The following SDK1 variants were observed in gnomAD, a reference collection of about 807,000 sequenced individuals.
The protein encoded by SDK1 is sidekick cell adhesion molecule 1.
SDK1 carries 157 observed loss-of-function variants against 245.5 expected under a neutral mutation model. The ratio of observed to expected loss-of-function variants is 0.64; its 90% CI spans 0.56 to 0.73. SDK1 has a LOEUF of 0.73. Among genes scored for constraint, SDK1 ranks in the 30% least tolerant of loss-of-function variants. The pLI is 0.00. For missense variants in SDK1, 3,583 were observed against 3,002.3 expected (o/e 1.19, Z -4.52); for synonymous variants, 1,647 against 1,278.5 (o/e 1.29, Z -6.15).
chr7:3,589,932 CAG>C (rs1780807847), intron 1 of SDK1, among the ~76,000 whole-genome samples: 2 of 152,150 alleles, frequency 1.3e-5, no homozygotes, highest in Admixed American at 6.5e-5. Flanking sequence ...TGAGGTTATG[CAG>C]AGTCTGTGCT....
intron 5 of SDK1, among the ~76,000 whole-genome samples, chr7:3,885,823 A>G (rs1257016935): frequency 1.3e-5 from 2 of 152,192 alleles, no homozygotes; most frequent in Non-Finnish European, 2.9e-5. Flanking sequence ...AAAATAAGTA[A>G]CAATGGTGAT....
chr7:4,133,791 G>T (rs1278564263), intron 28 of SDK1, among the ~76,000 whole-genome samples: 1 of 152,194 alleles, frequency 6.6e-6, no homozygotes, highest in African/African-American at 2.4e-5. Flanking sequence ...CATTGCCCCA[G>T]CCCCAGGTTA....
intron 4 of SDK1, among the ~76,000 whole-genome samples, chr7:3,816,318 G>A: frequency 6.6e-6 from 1 of 151,196 alleles, no homozygotes; most frequent in Admixed American, 6.6e-5. Context: ...CTGGTTTTTT[G>A]AAAGGATCAA....
At chr7:3,576,710 G>A (rs1780303012) in intron 1 of SDK1, among the ~76,000 whole-genome samples, 1 of 152,030 alleles carries the variant, frequency 6.6e-6, no homozygotes, top group African/African-American at 2.4e-5. Flanking sequence ...CATTTTGCCT[G>A]TGTTGAGCCA....
intron 4 of SDK1, among the ~76,000 whole-genome samples, chr7:3,820,336 G>A (rs755041956): frequency 1.8e-4 from 28 of 152,252 alleles, no homozygotes; most frequent in Middle Eastern, 6.8e-3. Context: ...TTTCAGTAGA[G>A]ATGAGGTTTC....
At chr7:3,528,019 A>G (rs1331367604) in intron 1 of SDK1, among the ~76,000 whole-genome samples, 144 of 88,568 alleles carry the variant, frequency 1.6e-3, no homozygotes, top group Middle Eastern at 0.012. Context: ...AGTGGTGGGA[A>G]GTAATGTTGG....
intron 1 of SDK1, among the ~76,000 whole-genome samples, chr7:3,526,551 G>T (rs1783141214): frequency 6.6e-6 from 1 of 152,094 alleles, no homozygotes; most frequent in South Asian, 2.1e-4. Context: ...ATTGCAGATA[G>T]TTTGGTGGAA....
rs114830427 is a variant in SDK1, at chr7:3,692,174, A to C, written c.713+50069A>C. On this transcript the variant is annotated intron_variant, in intron 4 of 44. Coordinates refer to ENST00000404826, the MANE Select transcript of SDK1 (RefSeq NM_152744.4). ...ATTATGATTTCTGTTCAGAGACCCAACATAATTTCAAGTTTCCATTTTTTC... is the reference window on the plus strand; with the variant it reads ...ATTATGATTTCTGTTCAGAGACCCACCATAATTTCAAGTTTCCATTTTTTC... 7.5e-3 allele frequency among the ~76,000 whole-genome samples: 1,142 copies of C among 152,288 alleles called. 16 individuals carry two copies. Among genetic ancestry groups the C allele is most frequent in the African/African-American group, 0.026 (1,080 of 41,572 alleles).
chr7:3,445,787 T>A (rs1354228796), intron 1 of SDK1, among the ~76,000 whole-genome samples: 1 of 152,144 alleles, frequency 6.6e-6, no homozygotes, highest in African/African-American at 2.4e-5. Flanking sequence ...CCATCAAACA[T>A]AATTTAGAAA....
chr7:3,775,541 T>G (rs1049191774), intron 4 of SDK1, among the ~76,000 whole-genome samples: 22 of 152,038 alleles, frequency 1.4e-4, no homozygotes, highest in Admixed American at 3.3e-4. Flanking sequence ...CAGCCTTTCA[T>G]AACATTTTTA....
At chr7:3,768,646 T>C (rs1435659171) in intron 4 of SDK1, among the ~76,000 whole-genome samples, 2 of 152,200 alleles carry the variant, frequency 1.3e-5, no homozygotes, top group South Asian at 2.1e-4. Context: ...GTCTCACATA[T>C]TGTCAGAAGT....
At position 3,536,810 on chromosome 7, in the gene SDK1, T is replaced by C. The variant is rs531422994; in HGVS notation, c.299-82270T>C. 2.0e-4 allele frequency among the ~76,000 whole-genome samples: 30 copies of C among 152,362 alleles called. No individual in the cohort carries two copies. The South Asian group carries it at 5.6e-3, about 28-fold the overall frequency. Reference sequence around the variant, plus strand: ...GAATTTGAAGTGATTTTTCTGTGTATTTAATATTTTTAACAATTGATATTT... The same window carrying C: ...GAATTTGAAGTGATTTTTCTGTGTACTTAATATTTTTAACAATTGATATTT... On this transcript the variant is annotated intron_variant, in intron 1 of 44. Transcript: ENST00000404826.
In SDK1 at chr7:4,203,147, C is replaced by T. The variant is rs545402206; in HGVS notation, c.5099-2732C>T. Among the ~76,000 whole-genome samples the T allele has an allele frequency of 2.6e-5, 4 of 152,340 alleles. No homozygotes were observed. The East Asian group carries it at 7.7e-4, about 29-fold the overall frequency. ...AGAGGCAGGAGGCCACGCCATAACC[C>T]GGCTCAGGCCCCAGCGCCCAGCCAC... On this transcript the variant is annotated intron_variant, in intron 35 of 44. Coordinates refer to ENST00000404826, the MANE Select transcript of SDK1 (RefSeq NM_152744.4).
intron 1 of SDK1, among the ~76,000 whole-genome samples, chr7:3,321,403 A>G (rs1199450079): frequency 2.0e-5 from 3 of 152,150 alleles, no homozygotes; most frequent in African/African-American, 7.2e-5. Flanking sequence ...CTGTTGTACT[A>G]CCTCTGGCTC....
intron 1 of SDK1, among the ~76,000 whole-genome samples, chr7:3,388,328 C>T (rs144992701): frequency 2.5e-4 from 37 of 147,600 alleles, no homozygotes; most frequent in Middle Eastern, 3.5e-3. Context: ...ATCTGTCAAA[C>T]GCTATGTGAT....
chr7:3,801,270 G>C (rs756049767), intron 4 of SDK1, among the ~76,000 whole-genome samples: 2 of 152,038 alleles, frequency 1.3e-5, no homozygotes, highest in Non-Finnish European at 2.9e-5. Flanking sequence ...TTTGTGGTTG[G>C]GTTAATGAAA....
chr7:3,346,986 A>G (rs1780525975), intron 1 of SDK1, among the ~76,000 whole-genome samples: 1 of 150,916 alleles, frequency 6.6e-6, no homozygotes, highest in South Asian at 2.1e-4. Flanking sequence ...AGAATTATTT[A>G]TTCTCCTCCT....
intron 44 of SDK1, among the ~76,000 whole-genome samples, chr7:4,248,311 C>T (rs117646746): frequency 6.6e-6 from 1 of 151,992 alleles, no homozygotes; most frequent in East Asian, 1.9e-4. Flanking sequence ...TACATACACA[C>T]ATGCACACAC....
chr7:4,083,347 A>G (rs995782827), intron 22 of SDK1, among the ~76,000 whole-genome samples: 3 of 148,944 alleles, frequency 2.0e-5, no homozygotes, highest in Admixed American at 6.7e-5. Context: ...GGAATCCCCC[A>G]CTCTTTTCCC....
Sources: allele counts gnomAD v4.1 joint callset (sites outside exome capture counted in the v4.1 genomes callset), GRCh38; gene constraint gnomAD v4.1.1; transcripts MANE v1.5; gene names NCBI Gene and HGNC (gene_info 2026-07-23, HGNC 2026-07-21).